The following PID1 variants were observed in gnomAD, a reference collection of about 807,000 sequenced individuals.
PID1 encodes the protein PTB-containing, cubilin and LRP1-interacting protein.
PID1 carries 10 observed loss-of-function variants against 19.1 expected under a neutral mutation model. The ratio of observed to expected loss-of-function variants is 0.52; its 90% CI spans 0.32 to 0.89. The LOEUF (loss-of-function observed/expected upper bound fraction) is 0.89, where lower values mean the gene tolerates loss of function less well. PID1 is among the 40% of genes least tolerant of loss of function. The probability of loss-of-function intolerance (pLI) is 0.03; values close to 1 mark genes in which losing one functional copy is unlikely to be tolerated. For synonymous variants in PID1, 130 were observed against 116.0 expected, an observed-to-expected ratio of 1.12 and a Z score of -0.78; for missense variants, 248 against 285.3, an observed-to-expected ratio of 0.87 and a Z score of 0.94.
intron 2 of PID1, among the ~76,000 whole-genome samples, chr2:229,052,803 T>C (rs1694022755): frequency 1.3e-5 from 2 of 152,202 alleles, no homozygotes; most frequent in African/African-American, 4.8e-5. Context: ...TTTCAGGAGC[T>C]AGCTCACTGT....
intron 1 of PID1, among the ~76,000 whole-genome samples, chr2:229,250,781 G>A (rs922932430): frequency 6.6e-6 from 1 of 152,182 alleles, no homozygotes; most frequent in Non-Finnish European, 1.5e-5. Flanking sequence ...AAAACCCAAT[G>A]ATGATGAAGA....
At chr2:229,260,268 A>G (rs181720144) in intron 1 of PID1, among the ~76,000 whole-genome samples, 249 of 152,124 alleles carry the variant, frequency 1.6e-3, no homozygotes, top group Middle Eastern at 6.8e-3. Context: ...AGTATTATTT[A>G]TAGGGAAAAA....
intron 2 of PID1, among the ~76,000 whole-genome samples, chr2:229,132,340 C>G (rs374286519): frequency 1.1e-4 from 17 of 152,254 alleles, no homozygotes; most frequent in African/African-American, 4.1e-4. Context: ...TGGGCTATCA[C>G]GATCCCAGAG....
chr2:229,211,617 C>G (rs552710722), intron 1 of PID1, among the ~76,000 whole-genome samples: 1 of 152,328 alleles, frequency 6.6e-6, no homozygotes, highest in East Asian at 1.9e-4. Context: ...GCACCACATT[C>G]TCTTTTTAAT....
chr2:229,241,709 A>T (rs1689874442), intron 1 of PID1, among the ~76,000 whole-genome samples: 1 of 152,158 alleles, frequency 6.6e-6, no homozygotes, highest in South Asian at 2.1e-4. Context: ...TATAATAATC[A>T]ACCTAGATCA....
At position 229,132,088 on chromosome 2, in the gene PID1, T is replaced by C. The variant is rs144878962; in HGVS notation, c.177+23730A>G. On this transcript the variant is annotated intron_variant, in intron 2 of 2. Transcript: ENST00000392055. ...CAGATGATGGCACGTGGTAGAACCA[T>C]CTCCTTTTAAAGGTATATAGACTGC... 6.4e-4 allele frequency among the ~76,000 whole-genome samples: 97 copies of C among 152,244 alleles called. 1 individual carries two copies. Among genetic ancestry groups the C allele is most frequent in the African/African-American group, 2.2e-3 (91 of 41,556 alleles).
chr2:229,117,797 A>G (rs1321817600), intron 2 of PID1, among the ~76,000 whole-genome samples: 2 of 151,870 alleles, frequency 1.3e-5, no homozygotes, highest in Non-Finnish European at 2.9e-5. Flanking sequence ...TCATGTCCCC[A>G]AGCTTCCACC....
chr2:229,249,980 T>C (rs1289802154), intron 1 of PID1, among the ~76,000 whole-genome samples: 4 of 152,248 alleles, frequency 2.6e-5, no homozygotes, highest in African/African-American at 9.6e-5. Context: ...ATGAAGAAGA[T>C]GGTTTAAGAG....
chr2:229,025,698 G>A lies in PID1; in HGVS notation c.588C>T (p.Asp196=), dbSNP rs370972921. 15 of 1,614,182 alleles carry A rather than the reference G, an allele frequency of 9.3e-6. No homozygotes were observed. The highest frequency in any genetic ancestry group is 4.5e-5 in the East Asian group (2 of 44,860). ...AGGAGCTGTTGCTGTGGATCCGCCC[G>A]TCGCTCTTCATACTGTGGAAAGTCT... The part of the protein sequence containing the change: ...FRKTFHSMKS[D]GRIHSNSSSE... Residue 196 remains aspartate, a synonymous_variant, in exon 3 of 3, where the codon GAC becomes GAT. Transcript: ENST00000392055.
intron 1 of PID1, among the ~76,000 whole-genome samples, chr2:229,174,286 A>G (rs552970092): frequency 1.3e-5 from 2 of 152,294 alleles, no homozygotes; most frequent in South Asian, 4.1e-4. Context: ...CCCTTAGTCC[A>G]TCTCAATTCA....
intron 1 of PID1, among the ~76,000 whole-genome samples, chr2:229,198,955 T>C (rs1691434347): frequency 6.6e-6 from 1 of 152,066 alleles, no homozygotes; most frequent in South Asian, 2.1e-4. Flanking sequence ...CACTACCAGC[T>C]TCCCATCACT....
chr2:229,233,385 G>A (rs980053078), intron 1 of PID1, among the ~76,000 whole-genome samples: 4 of 151,040 alleles, frequency 2.6e-5, no homozygotes, highest in African/African-American at 7.3e-5. Context: ...AGTTCTAGAT[G>A]TACATGGGCA....
chr2:229,079,430 G>A (rs1283645246), intron 2 of PID1, among the ~76,000 whole-genome samples: 1 of 151,910 alleles, frequency 6.6e-6, no homozygotes, highest in Non-Finnish European at 1.5e-5. Context: ...TATATGCTCT[G>A]AGGAATCAAA....
Position 229,057,001 on chromosome 2 carries a change from TA to T in PID1, c.178-30894del, listed in dbSNP as rs1446611451. On this transcript the variant is annotated intron_variant, in intron 2 of 2. Coordinates refer to ENST00000392055, the MANE Select transcript of PID1 (RefSeq NM_001100818.2). ...GATTTTAAAAATTCCAAAAAGAAAG[TA>T]ATACAAGCCACTTTATCATAAGAGA... 6.7e-5 allele frequency among the ~76,000 whole-genome samples: 10 copies of T among 149,386 alleles called. No individual in the cohort carries two copies. The Admixed American group carries it at 6.8e-4, about 10-fold the overall frequency.
chr2:229,175,411 A>G (rs899251471), intron 1 of PID1, among the ~76,000 whole-genome samples: 1 of 152,244 alleles, frequency 6.6e-6, no homozygotes, highest in South Asian at 2.1e-4. Context: ...TCACAAGGTC[A>G]TACTTTGCTT....
chr2:229,025,842 G>A lies in PID1; in HGVS notation c.444C>T (p.Ala148=). ...ADHNVSPNIF[A]WVYREINDDL... Reference sequence around the variant, plus strand: ...CATCATTGATCTCCCTGTAGACCCAGGCGAAGATGTTGGGGCTCACGTTGT... The same window carrying A: ...CATCATTGATCTCCCTGTAGACCCAAGCGAAGATGTTGGGGCTCACGTTGT... The change falls in exon 3 of 3, where the codon GCC becomes GCT. Residue 148 remains alanine (A), a synonymous_variant. Transcript: ENST00000392055. The A allele has an allele frequency of 6.2e-7, 1 of 1,614,252 alleles. No individual in the cohort carries two copies. Among genetic ancestry groups the A allele is most frequent in the South Asian group, 1.1e-5 (1 of 91,092 alleles).
chr2:229,251,879 T>C (rs990823551), intron 1 of PID1, among the ~76,000 whole-genome samples: 4 of 146,292 alleles, frequency 2.7e-5, no homozygotes, highest in Non-Finnish European at 5.9e-5. Flanking sequence ...TCTCTTCATC[T>C]ATAACCCAAT....
intron 1 of PID1, among the ~76,000 whole-genome samples, chr2:229,233,475 T>C (rs1380064048): frequency 7.4e-6 from 1 of 134,466 alleles, no homozygotes; most frequent in Non-Finnish European, 1.5e-5. Flanking sequence ...TAACTGAAAG[T>C]AGTCAGTGTG....
intron 1 of PID1, among the ~76,000 whole-genome samples, chr2:229,161,410 A>G (rs1690490263): frequency 6.6e-6 from 1 of 152,192 alleles, no homozygotes; most frequent in Admixed American, 6.5e-5. Context: ...AGTGGACTCA[A>G]TTTTATGTTT....
Sources: allele counts gnomAD v4.1 joint callset (sites outside exome capture counted in the v4.1 genomes callset), GRCh38; gene constraint gnomAD v4.1.1; transcripts MANE v1.5; gene names NCBI Gene and HGNC (gene_info 2026-07-23, HGNC 2026-07-21).